The following PPP3R1 variants were observed in gnomAD, a reference collection of about 807,000 sequenced individuals.
PPP3R1 encodes the protein protein phosphatase 3 regulatory subunit B, alpha.
A neutral mutation model predicts 22.6 loss-of-function variants in PPP3R1; 5 were observed. The observed-to-expected ratio is 0.22, with a 90% CI of 0.12 to 0.46. The LOEUF (loss-of-function observed/expected upper bound fraction) is 0.46. Ranked by LOEUF, PPP3R1 falls within the 20% of genes least tolerant of loss-of-function variation. The pLI, the probability that PPP3R1 is intolerant of heterozygous loss-of-function variation, is 0.99. For missense variants in PPP3R1, 61 were observed against 203.2 expected, an observed-to-expected ratio of 0.30 and a Z score of 4.25; for synonymous variants, 56 against 65.2, an observed-to-expected ratio of 0.86 and a Z score of 0.68.
At chr2:68,239,402 A>G (rs1670076363) in intron 1 of PPP3R1, among the ~76,000 whole-genome samples, 1 of 152,234 alleles carries the variant, frequency 6.6e-6, no homozygotes, top group Non-Finnish European at 1.5e-5. Context: ...AAGTGAAGAG[A>G]GTAAAAAAGT....
chr2:68,205,288 G>GCT (rs1675095116), intron 2 of PPP3R1, among the ~76,000 whole-genome samples: 1 of 141,690 alleles, frequency 7.1e-6, no homozygotes, highest in African/African-American at 2.6e-5. Flanking sequence ...CGTTGCCCAG[G>GCT]CTGCAGTGCA....
At chr2:68,214,715 A>AGT (rs1247407905) in intron 2 of PPP3R1, among the ~76,000 whole-genome samples, 1 of 152,246 alleles carries the variant, frequency 6.6e-6, no homozygotes, top group Middle Eastern at 3.2e-3. Context: ...TGTGGGAAGC[A>AGT]GTGTAGCTAT....
At chr2:68,184,429 G>C (rs1674490663) in intron 5 of PPP3R1, among the ~76,000 whole-genome samples, 1 of 151,958 alleles carries the variant, frequency 6.6e-6, no homozygotes, top group African/African-American at 2.4e-5. Flanking sequence ...CTTCATTTTT[G>C]TCCTTGTGAG....
chr2:68,203,806 T>C (rs2103749729), intron 2 of PPP3R1, among the ~76,000 whole-genome samples: 1 of 152,308 alleles, frequency 6.6e-6, no homozygotes, highest in Non-Finnish European at 1.5e-5. Context: ...AATGTGAAAC[T>C]GTTTACTAAA....
intron 2 of PPP3R1, among the ~76,000 whole-genome samples, chr2:68,195,146 G>A (rs1432162029): frequency 2.0e-5 from 3 of 152,012 alleles, no homozygotes; most frequent in African/African-American, 4.8e-5. Flanking sequence ...CTTGGCTGAG[G>A]GGTATTCAAG....
chr2:68,243,131 A>G (rs1670165024), intron 1 of PPP3R1, among the ~76,000 whole-genome samples: 1 of 152,176 alleles, frequency 6.6e-6, no homozygotes, highest in African/African-American at 2.4e-5. Context: ...AAACAAAACA[A>G]AACTCTATGA....
intron 4 of PPP3R1, 74 bp from the exon 5 acceptor site, chr2:68,186,726 T>A (rs905604714): frequency 1.6e-6 from 2 of 1,285,552 alleles, no homozygotes; most frequent in African/African-American, 3.0e-5. Context: ...AGAAAGAAAA[T>A]AGTAAACTGA....
chr2:68,225,566 A>C (rs1266144341), intron 1 of PPP3R1, among the ~76,000 whole-genome samples: 1 of 152,202 alleles, frequency 6.6e-6, no homozygotes, highest in East Asian at 1.9e-4. Context: ...GATACTCTGA[A>C]GGGAACCCAG....
intron 2 of PPP3R1, among the ~76,000 whole-genome samples, chr2:68,193,888 C>T (rs1043193197): frequency 6.6e-6 from 1 of 152,034 alleles, no homozygotes; most frequent in Non-Finnish European, 1.5e-5. Flanking sequence ...ACTTTTGGCG[C>T]CAATTTTCAT....
chr2:68,244,343 A>G (rs1670193045), intron 1 of PPP3R1, among the ~76,000 whole-genome samples: 1 of 152,104 alleles, frequency 6.6e-6, no homozygotes, highest in South Asian at 2.1e-4. Context: ...TTAACTGCCT[A>G]ACAATTCCCC....
At chr2:68,196,325 C>G (rs1309022694) in intron 2 of PPP3R1, among the ~76,000 whole-genome samples, 1 of 151,650 alleles carries the variant, frequency 6.6e-6, no homozygotes, top group Non-Finnish European at 1.5e-5. Flanking sequence ...CACCAGGGGG[C>G]GCAGCAGATA....
intron 2 of PPP3R1, among the ~76,000 whole-genome samples, chr2:68,212,036 C>A (rs4296409): frequency 0.74 from 113,259 of 152,172 alleles, 43,223 homozygotes; most frequent in African/African-American, 0.93. Context: ...CCATGAATCA[C>A]GAATGTAATT....
intron 1 of PPP3R1, among the ~76,000 whole-genome samples, chr2:68,241,962 T>C (rs370570323): frequency 2.0e-5 from 3 of 152,284 alleles, no homozygotes; most frequent in East Asian, 3.9e-4. Context: ...ACATTCTTTA[T>C]CTACACTAAC....
At position 68,180,901 on chromosome 2, in the gene PPP3R1, T is replaced by G; in HGVS notation, c.*62A>C. On this transcript the variant is annotated 3_prime_UTR_variant, in exon 6 of 6. Coordinates refer to ENST00000234310, the MANE Select transcript of PPP3R1 (RefSeq NM_000945.4). ...ACACAGAGAGCATTGCTGGACGTCTTGAGCAGATCTTCAGAGATGGAGAAG... is the reference window on the plus strand; with the variant it reads ...ACACAGAGAGCATTGCTGGACGTCTGGAGCAGATCTTCAGAGATGGAGAAG... 1.3e-6 allele frequency: 2 copies of G among 1,491,746 alleles called. No individual in the cohort carries two copies. Among genetic ancestry groups the G allele is most frequent in the Non-Finnish European group, 1.9e-6 (2 of 1,071,942 alleles). The allele number at this position is 1,491,746 out of a possible 1,614,324, so 92.4% of individuals were successfully genotyped here. A position where few individuals can be genotyped will look rare whatever the true frequency, so the allele number is the denominator to read the frequency against.
Position 68,219,133 on chromosome 2 carries a change from TAAGTA to T in PPP3R1, c.4-2007_4-2003del, listed in dbSNP as rs1457639346. 3.3e-5 allele frequency among the ~76,000 whole-genome samples: 5 copies of T among 152,148 alleles called. No homozygotes were observed. In the East Asian group the frequency reaches 7.7e-4, roughly 23 times the overall value. ...TAAAAACCAACACTCTTTAGAAAGC[TAAGTA>T]AAGTCCTTTAATTAAGAGAACTCGT... On this transcript the variant is annotated intron_variant, in intron 1 of 5. Transcript: ENST00000234310.
chr2:68,211,825 C>G (rs1299148888), intron 2 of PPP3R1, among the ~76,000 whole-genome samples: 1 of 152,196 alleles, frequency 6.6e-6, no homozygotes, highest in African/African-American at 2.4e-5. Context: ...TAAAAAGCAA[C>G]TCCTTATCTG....
At chr2:68,213,330 A>G (rs1490544432) in intron 2 of PPP3R1, among the ~76,000 whole-genome samples, 1 of 152,230 alleles carries the variant, frequency 6.6e-6, no homozygotes, top group Non-Finnish European at 1.5e-5. Context: ...TTGAACAATT[A>G]GAGAGCAGTG....
At chr2:68,185,432 A>G (rs1674515893) in intron 5 of PPP3R1, among the ~76,000 whole-genome samples, 2 of 131,188 alleles carry the variant, frequency 1.5e-5, no homozygotes, top group African/African-American at 5.0e-5. Context: ...ATATATTTAT[A>G]TTTCTTATAT....
At chr2:68,233,613 G>T (rs1669961864) in intron 1 of PPP3R1, among the ~76,000 whole-genome samples, 1 of 151,760 alleles carries the variant, frequency 6.6e-6, no homozygotes, top group Non-Finnish European at 1.5e-5. Context: ...CACTCCCAAA[G>T]GTGTATTTCC....
Sources: gnomAD v4.1 joint callset for allele counts (sites outside exome capture counted in the v4.1 genomes callset) on GRCh38, gnomAD v4.1.1 for gene constraint, MANE v1.5 for transcripts, NCBI Gene and HGNC (gene_info 2026-07-23, HGNC 2026-07-21) for gene names.